Variants in ASTN2 observed in about 807,000 individuals in gnomAD.
ASTN2 encodes astrotactin-2.
Under a neutral mutation model 139.8 loss-of-function variants are expected in ASTN2, and 54 were observed. The ratio of observed to expected loss-of-function variants is 0.39; its 90% CI spans 0.31 to 0.48. The LOEUF (loss-of-function observed/expected upper bound fraction) is 0.48, where lower values mean the gene tolerates loss of function less well. Among genes scored for constraint, ASTN2 ranks in the 20% least tolerant of loss-of-function variants. The probability of loss-of-function intolerance (pLI) is 0.95; values close to 1 mark genes in which losing one functional copy is unlikely to be tolerated. For missense variants in ASTN2, 1,565 were observed against 1,725.1 expected, an observed-to-expected ratio of 0.91 and a Z score of 1.64; for synonymous variants, 756 against 719.5, an observed-to-expected ratio of 1.05 and a Z score of -0.81.
intron 11 of ASTN2, among the ~76,000 whole-genome samples, chr9:116,832,954 T>G (rs1020630323): frequency 2.6e-5 from 4 of 151,814 alleles, no homozygotes; most frequent in African/African-American, 9.7e-5. Context: ...ATTTATTTAT[T>G]TATTTATTTT....
intron 16 of ASTN2, among the ~76,000 whole-genome samples, chr9:116,718,305 G>A (rs1038533090): frequency 6.6e-6 from 1 of 152,168 alleles, no homozygotes; most frequent in Non-Finnish European, 1.5e-5. Flanking sequence ...CAAAACGGCA[G>A]AAAGCACGGA....
intron 5 of ASTN2, among the ~76,000 whole-genome samples, chr9:117,074,343 T>C (rs1828217484): frequency 1.3e-5 from 2 of 152,186 alleles, no homozygotes; most frequent in Admixed American, 1.3e-4. Flanking sequence ...ATAGGTAACA[T>C]GCCACCACAG....
At chr9:117,217,443 C>T (rs985858015) in intron 2 of ASTN2, among the ~76,000 whole-genome samples, 2 of 152,178 alleles carry the variant, frequency 1.3e-5, no homozygotes, top group Non-Finnish European at 2.9e-5. Flanking sequence ...AAAGATGAGG[C>T]CTAACCAACC....
chr9:116,801,800 T>C (rs928180563), intron 13 of ASTN2, among the ~76,000 whole-genome samples: 5 of 151,944 alleles, frequency 3.3e-5, no homozygotes, highest in Non-Finnish European at 7.4e-5. Flanking sequence ...AGAGCTTAAA[T>C]GGAATAGATT....
At chr9:117,095,942 C>T in intron 5 of ASTN2, 102 bp downstream of exon 5, 1 of 1,068,418 alleles carries the variant, frequency 9.4e-7, no homozygotes, top group Non-Finnish European at 1.4e-6. Flanking sequence ...AGATGGGGAC[C>T]AGGTTAGAGA....
At chr9:116,791,691 G>A (rs1486192850) in intron 13 of ASTN2, among the ~76,000 whole-genome samples, 3 of 152,192 alleles carry the variant, frequency 2.0e-5, no homozygotes, top group Non-Finnish European at 4.4e-5. Context: ...GGTTCCCTAA[G>A]GACTTTTCTT....
At chr9:116,934,092 C>G (rs537397554) in intron 10 of ASTN2, among the ~76,000 whole-genome samples, 1 of 149,590 alleles carries the variant, frequency 6.7e-6, no homozygotes, top group Non-Finnish European at 1.5e-5. Flanking sequence ...ATTTAAAAAC[C>G]AATCCAGATG....
intron 1 of ASTN2, among the ~76,000 whole-genome samples, chr9:117,312,092 G>A (rs1373754897): frequency 2.0e-5 from 3 of 152,120 alleles, no homozygotes; most frequent in African/African-American, 7.2e-5. Flanking sequence ...TACCCCATAT[G>A]TAAAACACTA....
At chr9:117,175,977 T>A (rs1830906492) in intron 3 of ASTN2, among the ~76,000 whole-genome samples, 1 of 152,018 alleles carries the variant, frequency 6.6e-6, no homozygotes, top group East Asian at 1.9e-4. Context: ...GGCCTACTTA[T>A]GTTTTTAAAT....
At chr9:117,225,339 C>T (rs1279038121) in intron 2 of ASTN2, among the ~76,000 whole-genome samples, 1 of 151,586 alleles carries the variant, frequency 6.6e-6, no homozygotes. Flanking sequence ...GCAAATCCCA[C>T]TCTGAAGGAC....
intron 13 of ASTN2, among the ~76,000 whole-genome samples, chr9:116,793,044 G>A (rs531843503): frequency 2.2e-4 from 34 of 151,868 alleles, no homozygotes; most frequent in Admixed American, 8.5e-4. Flanking sequence ...CCAAACCTCA[G>A]GATCATGCAA....
intron 13 of ASTN2, among the ~76,000 whole-genome samples, chr9:116,742,234 G>A (rs1829113924): frequency 6.6e-6 from 1 of 152,208 alleles, no homozygotes. Context: ...CTGTGCTGAG[G>A]GCGAAGTTCC....
chr9:116,620,160 C>G, intron 18 of ASTN2, 150 bp downstream of exon 18: 1 of 1,114,840 alleles, frequency 9.0e-7, no homozygotes, highest in South Asian at 1.6e-5. Flanking sequence ...AAGCTCCCTT[C>G]TTTCCTAAAA....
Position 117,414,568 on chromosome 9 carries a change from C to T in ASTN2, c.371G>A (p.Arg124His), listed in dbSNP as rs906099204. Residue 124 changes from arginine to histidine, a missense_variant, in exon 1 of 23, where the codon CGT becomes CAT. Physicochemically the swap from Arg to His is conservative, Grantham distance 29 (BLOSUM62 0). Around this residue, in one of 4 missense-constraint regions of ASTN2, gnomAD observed 596 missense variants for 576.8 expected, o/e 1.03. Coordinates refer to ENST00000313400, the MANE Select transcript of ASTN2 (RefSeq NM_001365068.1). The surrounding 1 kb of genome is among the most constrained non-coding windows in gnomAD (Gnocchi z 4.2). Reference protein sequence around the residue: ...AAESRLLLFVRNELPGRIAVQ... With the variant: ...AAESRLLLFVHNELPGRIAVQ... ...CGCGATGCGCCCCGGCAGCTCGTTA[C>T]GCACAAAGAGCAGGAGGCGCGACTC... The T allele has an allele frequency of 1.2e-6, 2 of 1,601,578 alleles. No homozygotes were observed. The highest frequency in any genetic ancestry group is 1.7e-6 in the Non-Finnish European group (2 of 1,175,028).
In ASTN2 at chr9:116,698,493, G is replaced by A. The variant is rs780411500; in HGVS notation, c.2806+27278C>T. 1 of 1,613,920 alleles carries A rather than the reference G, an allele frequency of 6.2e-7. No homozygotes were observed. Among genetic ancestry groups the A allele is most frequent in the Non-Finnish European group, 8.5e-7 (1 of 1,180,022 alleles). Reference sequence around the variant, plus strand: ...CCTGGCCAAGATCAAGCAGGCAGATGTAGCACTACTGGAGGAGACAGCTGA... The same window carrying A: ...CCTGGCCAAGATCAAGCAGGCAGATATAGCACTACTGGAGGAGACAGCTGA... On this transcript the variant is annotated intron_variant, in intron 16 of 22. Transcript: ENST00000313400. The surrounding 1 kb of genome is among the most constrained non-coding windows in gnomAD (Gnocchi z 4.4).
At chr9:117,184,951 A>C (rs1352698069) in intron 3 of ASTN2, among the ~76,000 whole-genome samples, 1 of 152,158 alleles carries the variant, frequency 6.6e-6, no homozygotes, top group Non-Finnish European at 1.5e-5. Context: ...TAACCTGAGA[A>C]GAGTCCAACA....
chr9:117,056,132 T>C (rs1239208696), intron 5 of ASTN2, among the ~76,000 whole-genome samples: 1 of 152,228 alleles, frequency 6.6e-6, no homozygotes, highest in South Asian at 2.1e-4. Flanking sequence ...CAGCTCTGGT[T>C]GACAACTTCA....
intron 19 of ASTN2, among the ~76,000 whole-genome samples, chr9:116,506,855 A>C (rs1464673417): frequency 6.6e-6 from 1 of 152,096 alleles, no homozygotes; most frequent in Non-Finnish European, 1.5e-5. Context: ...GGGGAAAGGA[A>C]CCTGGGCTTG....
chr9:116,945,031 T>C (rs1035811333), intron 10 of ASTN2, among the ~76,000 whole-genome samples: 1 of 152,190 alleles, frequency 6.6e-6, no homozygotes, highest in Non-Finnish European at 1.5e-5. Context: ...TTTCCATCTA[T>C]CCACTCTGGC....
Sources: allele counts gnomAD v4.1 joint callset (sites outside exome capture counted in the v4.1 genomes callset), GRCh38; gene constraint gnomAD v4.1.1; regional missense constraint gnomAD v4.1.1; non-coding constraint Gnocchi (gnomAD v3.1); transcripts MANE v1.5; gene names NCBI Gene and HGNC (gene_info 2026-07-23, HGNC 2026-07-21).